HLA-E: variants seen among roughly 807,000 people sequenced by gnomAD.
HLA-E encodes HLA class I histocompatibility antigen, alpha chain E.
Under a neutral mutation model 43.4 loss-of-function variants are expected in HLA-E, and 25 were observed. The ratio of observed to expected loss-of-function variants is 0.58; its 90% confidence interval spans 0.42 to 0.80. The LOEUF (loss-of-function observed/expected upper bound fraction) is 0.80, where lower values mean the gene tolerates loss of function less well. HLA-E is among the 30% of genes least tolerant of loss of function. The pLI is 0.00. For synonymous variants in HLA-E, 161 were observed against 197.6 expected (o/e 0.81, Z 1.55); for missense variants, 343 against 470.0 (o/e 0.73, Z 2.50).
rs1218910739 is a variant in HLA-E at position 30,492,041 on chromosome 6, TCTGCCTGCCTCGGC to T, written c.1004-360_1004-347del. On this transcript the variant is annotated intron_variant, in intron 5 of 7. Transcript: ENST00000376630. The surrounding 1 kb of genome is among the most constrained non-coding windows in gnomAD (Gnocchi z 4.5). ...TGGTCTCGAACTCCTGACTTTGTGA[TCTGCCTGCCTCGGC>T]CTCCCAAAGTGCTGGGATTACAGTC... 5.3e-5 allele frequency among the ~76,000 whole-genome samples: 8 copies of T among 152,156 alleles called. No homozygotes were observed. Among genetic ancestry groups the T allele is most frequent in the African/African-American group, 1.7e-4 (7 of 41,508 alleles).
rs17875370 is a variant in HLA-E at position 30,491,222 on chromosome 6, G to A, written c.696G>A (p.Ala232=). The A allele has an allele frequency of 5.0e-5, 80 of 1,614,072 alleles. No individual in the cohort carries two copies. The highest frequency in any genetic ancestry group is 1.0e-4 in the Admixed American group (6 of 60,026). ...LRCWALGFYP[A]EITLTWQQDG... is the part of the protein sequence containing the mutation. ...GCTGGGCCCTGGGCTTCTACCCTGC[G>A]GAGATCACACTGACCTGGCAGCAGG... Residue 232 remains alanine, a synonymous_variant, in exon 4 of 8, where the codon GCG becomes GCA. Coordinates refer to ENST00000376630, the MANE Select transcript of HLA-E (RefSeq NM_005516.6). The surrounding 1 kb of genome is among the most constrained non-coding windows in gnomAD (Gnocchi z 5.4).
chr6:30,492,321 G>A lies in HLA-E; in HGVS notation c.1004-83G>A, dbSNP rs1156635764. 3.4e-6 allele frequency: 5 copies of A among 1,461,692 alleles called. No homozygotes were observed. The highest frequency in any genetic ancestry group is 1.1e-5 in the South Asian group (1 of 87,960). The allele number at this position is 1,461,692 out of a possible 1,614,324, so 90.5% of individuals were successfully genotyped here. On this transcript the variant is annotated intron_variant, in intron 5 of 7. Transcript: ENST00000376630. This position sits in a 1 kb window ranked among gnomAD's most constrained non-coding sequence, Gnocchi z 4.5. Reference sequence around the variant, plus strand: ...CAGTCACAGTTCAGGAAACTTCTCTGGGATCCAAAACTAGGAGGTTCCTCT... The same window carrying A: ...CAGTCACAGTTCAGGAAACTTCTCTAGGATCCAAAACTAGGAGGTTCCTCT...
chr6:30,492,593 T>TG lies in HLA-E; in HGVS notation c.*2+15dup, dbSNP rs1796626798. 1.9e-6 allele frequency: 3 copies of TG among 1,613,610 alleles called. No individual in the cohort carries two copies. Among genetic ancestry groups the TG allele is most frequent in the African/African-American group, 1.3e-5 (1 of 74,996 alleles). On this transcript the variant is annotated intron_variant, in intron 7 of 7. Transcript: ENST00000376630. The surrounding 1 kb of genome is among the most constrained non-coding windows in gnomAD (Gnocchi z 4.5). Reference sequence around the variant, plus strand: ...CTCACAGCTTGTAAAGGTGAGATTCTGGGGGTCTGAAGTGGGTGGAGGGTG... The same window carrying TG: ...CTCACAGCTTGTAAAGGTGAGATTCTGGGGGGTCTGAAGTGGGTGGAGGGTG...
Position 30,491,728 on chromosome 6 carries a change from C to A in HLA-E, c.1003+75C>A. 1 of 1,230,822 alleles carries A rather than the reference C, an allele frequency of 8.1e-7. No individual in the cohort carries two copies. 76.2% of individuals were successfully genotyped at this position (1,230,822 alleles called of 1,614,324 possible). On this transcript the variant is annotated intron_variant, in intron 5 of 7. Coordinates refer to ENST00000376630, the MANE Select transcript of HLA-E (RefSeq NM_005516.6). The surrounding 1 kb of genome is among the most constrained non-coding windows in gnomAD (Gnocchi z 5.4). ...TTTCAAGCCCTAGGTAAAAGTGTGTCCTGCCTCGTTACTGGGAAGCACCAT... is the reference window on the plus strand; with the variant it reads ...TTTCAAGCCCTAGGTAAAAGTGTGTACTGCCTCGTTACTGGGAAGCACCAT...
chr6:30,489,625 T>A lies in HLA-E; in HGVS notation c.64+30T>A, dbSNP rs1796388749. 6.3e-7 allele frequency: 1 copy of A among 1,592,716 alleles called. No individual in the cohort carries two copies. Among genetic ancestry groups the A allele is most frequent in the South Asian group, 1.1e-5 (1 of 87,418 alleles). ...GTGCGGGGTCGGGATGGAAACGGCC[T>A]CTACCGGGAGTAGAGAGGGGCCGGC... On this transcript the variant is annotated intron_variant, in intron 1 of 7. Coordinates refer to ENST00000376630, the MANE Select transcript of HLA-E (RefSeq NM_005516.6). This position sits in a 1 kb window ranked among gnomAD's most constrained non-coding sequence, Gnocchi z 5.6.
Position 30,492,417 on chromosome 6 carries a change from G to T in HLA-E, c.1017G>T (p.Gly339=), listed in dbSNP as rs767467165. The change falls in exon 6 of 8, where the codon GGG becomes GGT. Residue 339 remains glycine (G), a synonymous_variant. Coordinates refer to ENST00000376630, the MANE Select transcript of HLA-E (RefSeq NM_005516.6). This position sits in a 1 kb window ranked among gnomAD's most constrained non-coding sequence, Gnocchi z 4.5. ...WRKKSSGGKG[G]SYSKAEWSDS... ...TTCTTCCAACAGGTGGAAAAGGAGG[G>T]AGCTACTCTAAGGCTGAGTGTAAGT... is the stretch of plus-strand genomic sequence containing the variant. The T allele has an allele frequency of 6.2e-7, 1 of 1,614,072 alleles. No homozygotes were observed. The highest frequency in any genetic ancestry group is 8.5e-7 in the Non-Finnish European group (1 of 1,180,036).
Position 30,493,514 on chromosome 6 carries a change from T to A in HLA-E, c.*768T>A, listed in dbSNP as rs1398360582. ...TTGGAGTTGAATATTGTTTTCATAC[T>A]GCTGTGGTTTGAATGTTCCCTCCAA... On this transcript the variant is annotated 3_prime_UTR_variant, in exon 8 of 8. Coordinates refer to ENST00000376630, the MANE Select transcript of HLA-E (RefSeq NM_005516.6). The surrounding 1 kb of genome is among the most constrained non-coding windows in gnomAD (Gnocchi z 5.5). 6.6e-6 allele frequency: 1 copy of A among 152,222 alleles called. No individual in the cohort carries two copies. The highest frequency in any genetic ancestry group is 2.4e-5 in the African/African-American group (1 of 41,438). 9.4% of individuals were successfully genotyped at this position (152,222 alleles called of 1,614,324 possible). A position where few individuals can be genotyped will look rare whatever the true frequency, so the allele number is the denominator to read the frequency against.
rs1050983296 is a variant in HLA-E, at chr6:30,490,292, CT to C, written c.389del (p.Phe130SerfsTer18). On this transcript the variant is annotated frameshift_variant, in exon 3 of 8. Transcript: ENST00000376630. LOFTEE classifies it high-confidence loss of function. The surrounding 1 kb of genome is among the most constrained non-coding windows in gnomAD (Gnocchi z 6.6). ...GCTGCGAGCTGGGGCCCGACGGGCG[CT>C]TCCTCCGCGGGTATGAACAGTTCGC... ...HGCELGPDGR[F>X]LRGYEQFAYD... 1 of 1,612,948 alleles carries C rather than the reference CT, an allele frequency of 6.2e-7. No homozygotes were observed. The highest frequency in any genetic ancestry group is 8.5e-7 in the Non-Finnish European group (1 of 1,180,034).
rs1289370337 is a variant in HLA-E, at chr6:30,492,465, C to T, written c.1036+29C>T. The T allele has an allele frequency of 2.2e-5, 35 of 1,613,850 alleles. No individual in the cohort carries two copies. Among genetic ancestry groups the T allele is most frequent in the Non-Finnish European group, 3.0e-5 (35 of 1,179,888 alleles). On this transcript the variant is annotated intron_variant, in intron 6 of 7. Transcript: ENST00000376630. This position sits in a 1 kb window ranked among gnomAD's most constrained non-coding sequence, Gnocchi z 4.5. Reference sequence around the variant, plus strand: ...AGTGCGGGGCGGGAGCGTGGAGGAGCTCGCCCACCCTATAATTCCTCCTGC... The same window carrying T: ...AGTGCGGGGCGGGAGCGTGGAGGAGTTCGCCCACCCTATAATTCCTCCTGC...
Position 30,492,340 on chromosome 6 carries a change from T to A in HLA-E, c.1004-64T>A. The A allele has an allele frequency of 6.4e-7, 1 of 1,564,768 alleles. No homozygotes were observed. Among genetic ancestry groups the A allele is most frequent in the Non-Finnish European group, 8.8e-7 (1 of 1,135,154 alleles). On this transcript the variant is annotated intron_variant, in intron 5 of 7. Transcript: ENST00000376630. The surrounding 1 kb of genome is among the most constrained non-coding windows in gnomAD (Gnocchi z 4.5). ...TTCTCTGGGATCCAAAACTAGGAGGTTCCTCTAGGACCTTATGGCCCTGCC... is the reference window on the plus strand; with the variant it reads ...TTCTCTGGGATCCAAAACTAGGAGGATCCTCTAGGACCTTATGGCCCTGCC...
Position 30,492,536 on chromosome 6 carries a change from C to T in HLA-E, c.1037-5C>T, listed in dbSNP as rs1582381859. ...TGACCAGGTCTTGTTTTTGTTCTAC[C>T]CCAGGGAGCGACAGTGCCCAGGGGT... On this transcript the variant is annotated splice_region_variant and splice_polypyrimidine_tract_variant and intron_variant, in intron 6 of 7. Transcript: ENST00000376630. The surrounding 1 kb of genome is among the most constrained non-coding windows in gnomAD (Gnocchi z 4.5). 3.1e-6 allele frequency: 5 copies of T among 1,614,070 alleles called. No individual in the cohort carries two copies. The highest frequency in any genetic ancestry group is 4.2e-6 in the Non-Finnish European group (5 of 1,180,018).
At position 30,491,390 on chromosome 6, in the gene HLA-E, C is replaced by A. The variant is rs754354716; in HGVS notation, c.864C>A (p.Pro288=). 12 of 1,614,096 alleles carry A rather than the reference C, an allele frequency of 7.4e-6. No homozygotes were observed. Among genetic ancestry groups the A allele is most frequent in the Non-Finnish European group, 1.0e-5 (12 of 1,180,004 alleles). The part of the protein sequence containing the change: ...YTCHVQHEGL[P]EPVTLRWKPA... ...GCCATGTGCAGCATGAGGGGCTACC[C>A]GAGCCCGTCACCCTGAGATGGAGTA... The change falls in exon 4 of 8, where the codon CCC becomes CCA. Residue 288 remains proline (P), a synonymous_variant. Transcript: ENST00000376630. The surrounding 1 kb of genome is among the most constrained non-coding windows in gnomAD (Gnocchi z 5.4).
rs1796498386 is a variant in HLA-E, at chr6:30,491,030, TCTC to T, written c.611-104_611-102del. ...GGCTGGTGTCAAGGTTTTGTCCTCT[TCTC>T]CTACTATAATTGTCCTCTTCCTTCT... On this transcript the variant is annotated intron_variant, in intron 3 of 7. Coordinates refer to ENST00000376630, the MANE Select transcript of HLA-E (RefSeq NM_005516.6). This position sits in a 1 kb window ranked among gnomAD's most constrained non-coding sequence, Gnocchi z 5.4. 1.1e-5 allele frequency: 16 copies of T among 1,457,618 alleles called. No homozygotes were observed. Among genetic ancestry groups the T allele is most frequent in the South Asian group, 3.9e-5 (3 of 77,480 alleles). The allele number at this position is 1,457,618 out of a possible 1,614,324, so 90.3% of individuals were successfully genotyped here.
rs370435793 is a variant in HLA-E at position 30,491,396 on chromosome 6, C to T, written c.870C>T (p.Pro290=). 6.8e-6 allele frequency: 11 copies of T among 1,614,180 alleles called. No individual in the cohort carries two copies. Among genetic ancestry groups the T allele is most frequent in the African/African-American group, 6.7e-5 (5 of 75,044 alleles). The change falls in exon 4 of 8, where the codon CCC becomes CCT. Residue 290 remains proline, a synonymous_variant. Coordinates refer to ENST00000376630, the MANE Select transcript of HLA-E (RefSeq NM_005516.6). This position sits in a 1 kb window ranked among gnomAD's most constrained non-coding sequence, Gnocchi z 5.4. ...TGCAGCATGAGGGGCTACCCGAGCC[C>T]GTCACCCTGAGATGGAGTAAGGAGG... ...CHVQHEGLPE[P]VTLRWKPASQ...
In HLA-E at chr6:30,492,696, T is replaced by A. The variant is rs1796633171; in HGVS notation, c.*3-53T>A. On this transcript the variant is annotated intron_variant, in intron 7 of 7. Transcript: ENST00000376630. This position sits in a 1 kb window ranked among gnomAD's most constrained non-coding sequence, Gnocchi z 4.5. ...AGTGTGTGGTGGGCTGTTCAGAGTG[T>A]CATCACTTACCGTGACTGACCTGAA... 1.9e-6 allele frequency: 2 copies of A among 1,051,846 alleles called. No individual in the cohort carries two copies. Among genetic ancestry groups the A allele is most frequent in the African/African-American group, 3.2e-5 (2 of 62,348 alleles). The allele number at this position is 1,051,846 out of a possible 1,614,324, so 65.2% of individuals were successfully genotyped here. A position where few individuals can be genotyped will look rare whatever the true frequency, so the allele number is the denominator to read the frequency against.
Position 30,491,440 on chromosome 6 carries a change from T to C in HLA-E, c.886+28T>C, listed in dbSNP as rs761252526. On this transcript the variant is annotated intron_variant, in intron 4 of 7. Transcript: ENST00000376630. The surrounding 1 kb of genome is among the most constrained non-coding windows in gnomAD (Gnocchi z 5.4). ...AAGGAGGGGGATGGGAGGTCATGTC[T>C]CTTCTCAGGGAAAGCGGGAGCCCTT... 13 of 1,613,350 alleles carry C rather than the reference T, an allele frequency of 8.1e-6. No homozygotes were observed. Among genetic ancestry groups the C allele is most frequent in the Non-Finnish European group, 1.1e-5 (13 of 1,179,430 alleles).
Position 30,490,329 on chromosome 6 carries a change from A to G in HLA-E, c.424A>G (p.Lys142Glu). Residue 142 changes from lysine to glutamate, a missense_variant, in exon 3 of 8, where the codon AAG (lysine) becomes GAG (glutamate). By Grantham distance (56) the Lys-to-Glu change is moderately conservative. Transcript: ENST00000376630. The surrounding 1 kb of genome is among the most constrained non-coding windows in gnomAD (Gnocchi z 6.6). ...RGYEQFAYDG[K>E]DYLTLNEDLR... is the part of the protein sequence containing the mutation. Reference sequence around the variant, plus strand: ...GTATGAACAGTTCGCCTACGACGGCAAGGATTATCTCACCCTGAATGAGGA... The same window carrying G: ...GTATGAACAGTTCGCCTACGACGGCGAGGATTATCTCACCCTGAATGAGGA... 1 of 1,613,044 alleles carries G rather than the reference A, an allele frequency of 6.2e-7. No homozygotes were observed. The highest frequency in any genetic ancestry group is 1.3e-5 in the African/African-American group (1 of 75,050).
chr6:30,492,295 G>A lies in HLA-E; in HGVS notation c.1004-109G>A. 1 of 1,108,656 alleles carries A rather than the reference G, an allele frequency of 9.0e-7. No homozygotes were observed. Among genetic ancestry groups the A allele is most frequent in the Non-Finnish European group, 1.4e-6 (1 of 719,852 alleles). The allele number at this position is 1,108,656 out of a possible 1,614,324, so 68.7% of individuals were successfully genotyped here. A position where few individuals can be genotyped will look rare whatever the true frequency, so the allele number is the denominator to read the frequency against. On this transcript the variant is annotated intron_variant, in intron 5 of 7. Transcript: ENST00000376630. This position sits in a 1 kb window ranked among gnomAD's most constrained non-coding sequence, Gnocchi z 4.5. ...CGTTTCCTGATCCTGCCCTGGGTCT[G>A]CAGTCACAGTTCAGGAAACTTCTCT...
chr6:30,490,047 G>T lies in HLA-E; in HGVS notation c.334+52G>T. ...GTCACGACCCCTCCCCATCCCCCACGGACGGCGCGGGTCCCCTCGAATCTT... is the reference window on the plus strand; with the variant it reads ...GTCACGACCCCTCCCCATCCCCCACTGACGGCGCGGGTCCCCTCGAATCTT... On this transcript the variant is annotated intron_variant, in intron 2 of 7. Coordinates refer to ENST00000376630, the MANE Select transcript of HLA-E (RefSeq NM_005516.6). This position sits in a 1 kb window ranked among gnomAD's most constrained non-coding sequence, Gnocchi z 6.6. 2 of 1,552,190 alleles carry T rather than the reference G, an allele frequency of 1.3e-6. No individual in the cohort carries two copies. The highest frequency in any genetic ancestry group is 1.8e-6 in the Non-Finnish European group (2 of 1,140,514).
Sources: gnomAD v4.1 joint callset for allele counts (sites outside exome capture counted in the v4.1 genomes callset) on GRCh38, gnomAD v4.1.1 for gene constraint, Gnocchi (gnomAD v3.1) non-coding constraint, MANE v1.5 for transcripts, NCBI Gene and HGNC (gene_info 2026-07-23, HGNC 2026-07-21) for gene names.